Variants in SLC13A3 observed in about 807,000 individuals in gnomAD.
SLC13A3 encodes solute carrier family 13 member 3.
SLC13A3 carries 40 observed loss-of-function variants against 59.0 expected under a neutral mutation model. The ratio of observed to expected loss-of-function variants is 0.68; its 90% CI spans 0.53 to 0.88. The LOEUF is 0.88. SLC13A3 is among the 40% of genes least tolerant of loss of function. SLC13A3 has a pLI of 0.00. For missense variants in SLC13A3, 699 were observed against 783.2 expected, an observed-to-expected ratio of 0.89 and a Z score of 1.28; for synonymous variants, 317 against 330.3, an observed-to-expected ratio of 0.96 and a Z score of 0.44.
intron 10 of SLC13A3, 101 bp from the exon 11 acceptor site, chr20:46,566,491 C>CTGGGAAGGGGTATGGT: frequency 1.5e-6 from 2 of 1,352,070 alleles, no homozygotes; most frequent in Non-Finnish European, 2.0e-6. Context: ...CATACCCCTT[C>CTGGGAAGGGGTATGGT]CCAGATGGGG....
chr20:46,661,786 A>C (rs1055262812), intron 1 of SLC13A3, among the ~76,000 whole-genome samples: 2 of 151,988 alleles, frequency 1.3e-5, no homozygotes, highest in East Asian at 3.9e-4. Context: ...CTGGGAGGGG[A>C]GGGAATCTCT....
At chr20:46,611,856 T>C (rs2062497498) in intron 2 of SLC13A3, among the ~76,000 whole-genome samples, 1 of 152,204 alleles carries the variant, frequency 6.6e-6, no homozygotes. Context: ...TCTGGCCATG[T>C]CATTCCTCAG....
At chr20:46,582,569 C>T in intron 9 of SLC13A3, 2 of 926,128 alleles carry the variant, frequency 2.2e-6, no homozygotes, top group Non-Finnish European at 2.6e-6. Flanking sequence ...TGCTACTGCA[C>T]CCCAGCCTGG....
rs114789284 is a variant in SLC13A3, at chr20:46,607,823, C to T, written c.541+2623G>A. On this transcript the variant is annotated intron_variant, in intron 3 of 12. Coordinates refer to ENST00000279027, the MANE Select transcript of SLC13A3 (RefSeq NM_022829.6). ...TACCAGAGCCACAGTTTGGAAACTG[C>T]GTAACGGGGGGTGGGAGGACTCTTT... Among the ~76,000 whole-genome samples the T allele has an allele frequency of 5.0e-3, 764 of 152,320 alleles. 8 individuals carry two copies. The highest frequency in any genetic ancestry group is 0.018 in the African/African-American group (734 of 41,560).
upstream of SLC13A3, among the ~76,000 whole-genome samples, chr20:46,654,410 A>G (rs892717264): frequency 6.6e-6 from 1 of 152,216 alleles, no homozygotes; most frequent in Non-Finnish European, 1.5e-5. Context: ...CCAGCAAAGC[A>G]TAGAAACCTT....
intron 6 of SLC13A3, among the ~76,000 whole-genome samples, chr20:46,592,182 A>G (rs2062265471): frequency 6.6e-6 from 1 of 152,226 alleles, no homozygotes. Context: ...ACTGCACTCC[A>G]GCCTGGGCAG....
chr20:46,641,953 C>G (rs954787549), intron 1 of SLC13A3, among the ~76,000 whole-genome samples: 3 of 152,188 alleles, frequency 2.0e-5, no homozygotes, highest in African/African-American at 7.2e-5. Flanking sequence ...CTAGGGGAAG[C>G]CCCTATGCCC....
At chr20:46,580,320 T>C (rs1167849660) in intron 9 of SLC13A3, among the ~76,000 whole-genome samples, 1 of 151,990 alleles carries the variant, frequency 6.6e-6, no homozygotes, top group East Asian at 1.9e-4. Context: ...CTGCTTTCTG[T>C]TTCAAAAATG....
Position 46,659,721 on chromosome 20 carries a change from C to G in SLC13A3, c.-31+10322G>C, listed in dbSNP as rs534439112. On this transcript the variant is annotated intron_variant, in intron 1 of 12. Transcript: ENST00000290317. Reference sequence around the variant, plus strand: ...ACAGAGTGAGACCCTATCCCCCCCCCCCAAAAAAAAAAAGAAAAAACAAAG... The same window carrying G: ...ACAGAGTGAGACCCTATCCCCCCCCGCCAAAAAAAAAAAGAAAAAACAAAG... 8.4e-4 allele frequency among the ~76,000 whole-genome samples: 125 copies of G among 148,402 alleles called. 1 individual carries two copies. The highest frequency in any genetic ancestry group is 2.5e-3 in the African/African-American group (98 of 39,980).
chr20:46,589,159 C>T lies in SLC13A3; in HGVS notation c.1016+1G>A. On this transcript the variant is annotated splice_donor_variant, in intron 7 of 12. Transcript: ENST00000279027. LOFTEE classifies it high-confidence loss of function. ...TCCTTAACCCAAGGGCCCCCACATA[C>T]TTGATGGGCCCCAGGTTCTGGTATT... 6.2e-7 allele frequency: 1 copy of T among 1,613,368 alleles called. No homozygotes were observed.
chr20:46,623,852 G>C (rs780594671), intron 1 of SLC13A3, among the ~76,000 whole-genome samples: 1 of 152,206 alleles, frequency 6.6e-6, no homozygotes, highest in Non-Finnish European at 1.5e-5. Flanking sequence ...ATGGGACATG[G>C]AGGCAAACAG....
At chr20:46,632,911 A>AGCTCTT (rs1253627891) in intron 1 of SLC13A3, among the ~76,000 whole-genome samples, 6,595 of 54,792 alleles carry the variant, frequency 0.12, 545 homozygotes, top group South Asian at 0.18. Context: ...ATAGATAGAT[A>AGCTCTT]TATCTATCTA....
chr20:46,643,415 C>G (rs2062863992), intron 1 of SLC13A3, among the ~76,000 whole-genome samples: 1 of 152,126 alleles, frequency 6.6e-6, no homozygotes, highest in Non-Finnish European at 1.5e-5. Flanking sequence ...AGGAGCAAGA[C>G]TTGCGGACAT....
intron 8 of SLC13A3, 78 bp from the exon 9 acceptor site, chr20:46,583,747 T>C (rs1362187416): frequency 6.3e-7 from 1 of 1,577,986 alleles, no homozygotes. Context: ...TAAAGGAGGA[T>C]TTGTGGAAGG....
At chr20:46,645,583 G>A (rs1476080539) in intron 1 of SLC13A3, among the ~76,000 whole-genome samples, 1 of 152,170 alleles carries the variant, frequency 6.6e-6, no homozygotes, top group African/African-American at 2.4e-5. Context: ...ACTTTGGGTG[G>A]AACAATGAGG....
intron 10 of SLC13A3, among the ~76,000 whole-genome samples, chr20:46,571,595 G>A (rs1441459875): frequency 1.3e-5 from 2 of 152,124 alleles, no homozygotes; most frequent in Non-Finnish European, 2.9e-5. Flanking sequence ...TGTCTTCTAG[G>A]TGCCTAGAAC....
rs900538678 is a variant in SLC13A3 at position 46,559,047 on chromosome 20, A to G, written c.*975T>C. ...TACCCTGGCCTTTTACAAGGCCCCA[A>G]TTTATCTTTTGACTTTTCTCTCACC... On this transcript the variant is annotated 3_prime_UTR_variant, in exon 13 of 13. Transcript: ENST00000279027. 3 of 152,030 alleles carry G rather than the reference A, an allele frequency of 2.0e-5. No individual in the cohort carries two copies. The highest frequency in any genetic ancestry group is 2.9e-5 in the Non-Finnish European group (2 of 68,018). 9.4% of individuals were successfully genotyped at this position (152,030 alleles called of 1,614,324 possible). A position where few individuals can be genotyped will look rare whatever the true frequency, so the allele number is the denominator to read the frequency against.
chr20:46,659,724 A>C (rs6066042), intron 1 of SLC13A3, among the ~76,000 whole-genome samples: 6,484 of 120,306 alleles, frequency 0.054, 461 homozygotes, highest in African/African-American at 0.21. Context: ...CCCCCCCCCC[A>C]AAAAAAAAAA....
At chr20:46,677,882 C>T (rs1185458981) in intron 1 of SLC13A3, among the ~76,000 whole-genome samples, 5 of 152,102 alleles carry the variant, frequency 3.3e-5, no homozygotes, top group Admixed American at 3.3e-4. Context: ...AACAGGGTCC[C>T]GTGTGGCAAG....
Sources: gnomAD v4.1 joint callset for allele counts (sites outside exome capture counted in the v4.1 genomes callset) on GRCh38, gnomAD v4.1.1 for gene constraint, MANE v1.5 for transcripts, NCBI Gene and HGNC (gene_info 2026-07-23, HGNC 2026-07-21) for gene names.